Variants in EIF3K observed in about 807,000 individuals in gnomAD.
EIF3K encodes eukaryotic translation initiation factor 3 subunit K.
Under a neutral mutation model 34.2 loss-of-function variants are expected in EIF3K, and 27 were observed. The ratio of observed to expected loss-of-function variants is 0.79; its 90% confidence interval spans 0.58 to 1.09. The LOEUF (loss-of-function observed/expected upper bound fraction) is 1.09. Ranked by LOEUF, EIF3K falls within the 50% of genes least tolerant of loss-of-function variation. The probability of loss-of-function intolerance (pLI) is 0.00; values close to 1 mark genes in which losing one functional copy is unlikely to be tolerated. For missense variants in EIF3K, 232 were observed against 275.4 expected (o/e 0.84, Z 1.11); for synonymous variants, 105 against 105.7 (o/e 0.99, Z 0.04).
chr19:38,632,665 C>G lies in EIF3K; in HGVS notation c.486C>G (p.Leu162=). ...HIDRWLLAEM[L]GDLSDSQLKV... ...ACCGCTGGCTGCTGGCCGAGATGCTCGGGGATCTGTCGGGTAACGCCCTCT... is the reference window on the plus strand; with the variant it reads ...ACCGCTGGCTGCTGGCCGAGATGCTGGGGGATCTGTCGGGTAACGCCCTCT... The change falls in exon 6 of 8, where the codon CTC becomes CTG. Residue 162 remains leucine (L), a synonymous_variant. Transcript: ENST00000248342. 1.2e-6 allele frequency: 2 copies of G among 1,613,226 alleles called. No homozygotes were observed. Among genetic ancestry groups the G allele is most frequent in the Non-Finnish European group, 8.5e-7 (1 of 1,179,600 alleles).
intron 3 of EIF3K, among the ~76,000 whole-genome samples, chr19:38,625,657 G>A (rs968101659): frequency 3.3e-5 from 5 of 150,106 alleles, no homozygotes; most frequent in Non-Finnish European, 7.4e-5. Context: ...CTATAGGCAC[G>A]TGCCACCACA....
intron 7 of EIF3K, among the ~76,000 whole-genome samples, chr19:38,636,407 C>T (rs1055459231): frequency 7.9e-5 from 12 of 152,010 alleles, no homozygotes; most frequent in African/African-American, 2.7e-4. Context: ...CACTTGAACC[C>T]GGAAGGTGGA....
At chr19:38,632,833 T>C (rs1238542443) in intron 6 of EIF3K, 155 bp downstream of exon 6, 1 of 624,220 alleles carries the variant, frequency 1.6e-6, no homozygotes, top group African/African-American at 1.8e-5. Flanking sequence ...TATAAGACAG[T>C]CTCTGCCTTG....
Position 38,634,985 on chromosome 19 carries a change from A to G in EIF3K, c.500-8A>G. ...ACTGAAGCCCCTTGCTGCCCCTGTC[A>G]CCTGCAGACAGCCAGCTAAAGGTGT... On this transcript the variant is annotated splice_region_variant and splice_polypyrimidine_tract_variant and intron_variant, in intron 6 of 7. Coordinates refer to ENST00000248342, the MANE Select transcript of EIF3K (RefSeq NM_013234.4). The G allele has an allele frequency of 6.2e-7, 1 of 1,614,076 alleles. No homozygotes were observed. The highest frequency in any genetic ancestry group is 8.5e-7 in the Non-Finnish European group (1 of 1,180,028).
intron 7 of EIF3K, 164 bp downstream of exon 7, chr19:38,635,282 G>A: frequency 1.0e-6 from 1 of 999,862 alleles, no homozygotes; most frequent in Non-Finnish European, 1.5e-6. Context: ...CTCCCGCCCA[G>A]GAGGAATAGC....
At chr19:38,622,943 T>C (rs1975874518) in intron 2 of EIF3K, among the ~76,000 whole-genome samples, 1 of 152,272 alleles carries the variant, frequency 6.6e-6, no homozygotes, top group Non-Finnish European at 1.5e-5. Context: ...GAACAATTGC[T>C]GTTATCCTGT....
Position 38,621,111 on chromosome 19 carries a change from C to T in EIF3K, c.158+676C>T, listed in dbSNP as rs559431567. ...ACTTGAGAGGCTGAGGTGGAAGGAT[C>T]GCTTAAGCCTGGAAGATTAAGGTGC... On this transcript the variant is annotated intron_variant, in intron 2 of 7. Coordinates refer to ENST00000248342, the MANE Select transcript of EIF3K (RefSeq NM_013234.4). 3.8e-3 allele frequency among the ~76,000 whole-genome samples: 567 copies of T among 150,022 alleles called. 1 individual carries two copies. Among genetic ancestry groups the T allele is most frequent in the Admixed American group, 0.012 (173 of 14,954 alleles).
intron 2 of EIF3K, among the ~76,000 whole-genome samples, chr19:38,621,366 T>C (rs754954958): frequency 6.6e-6 from 1 of 152,024 alleles, no homozygotes; most frequent in Non-Finnish European, 1.5e-5. Flanking sequence ...TGAGCCAAGA[T>C]CATACCACTG....
In EIF3K at chr19:38,625,518, C is replaced by CT. The variant is rs58008087; in HGVS notation, c.280-501dup. The stretch of plus-strand genomic sequence containing the variant: ...AGTAGGGTTTTTTTGTTAATATTTT[C>CT]TTTTTTTTTGAGATGGAGTCTTGCT... On this transcript the variant is annotated intron_variant, in intron 3 of 7. Coordinates refer to ENST00000248342, the MANE Select transcript of EIF3K (RefSeq NM_013234.4). Among the ~76,000 whole-genome samples, 1,305 of 145,828 alleles carry CT rather than the reference C, an allele frequency of 8.9e-3. 47 individuals carry two copies. The highest frequency in any genetic ancestry group is 0.032 in the African/African-American group (1,227 of 37,882).
chr19:38,628,721 G>A (rs1392364719), intron 4 of EIF3K, among the ~76,000 whole-genome samples: 6 of 152,150 alleles, frequency 3.9e-5, no homozygotes, highest in African/African-American at 1.4e-4. Context: ...CTACTCGGGA[G>A]GCTGAGGCAG....
chr19:38,620,222 G>A, intron 1 of EIF3K, 115 bp from the exon 2 acceptor site: 1 of 789,760 alleles, frequency 1.3e-6, no homozygotes, highest in Non-Finnish European at 2.1e-6. Context: ...AGTGGCCAGT[G>A]CCAGATTTAG....
At chr19:38,633,839 G>A (rs1039292994) in intron 6 of EIF3K, among the ~76,000 whole-genome samples, 1 of 151,910 alleles carries the variant, frequency 6.6e-6, no homozygotes, top group Non-Finnish European at 1.5e-5. Context: ...TGGACGTGTT[G>A]GCATGTGCCT....
intron 6 of EIF3K, 150 bp downstream of exon 6, chr19:38,632,828 GAC>G (rs1273092134): frequency 4.6e-6 from 3 of 647,268 alleles, no homozygotes; most frequent in Non-Finnish European, 7.8e-6. Context: ...CTTGGTATAA[GAC>G]AGTCTCTGCC....
intron 4 of EIF3K, among the ~76,000 whole-genome samples, chr19:38,627,451 G>A (rs1023471228): frequency 6.6e-6 from 1 of 151,816 alleles, no homozygotes; most frequent in Non-Finnish European, 1.5e-5. Context: ...GATCACCTGA[G>A]GTCGGGAGTT....
Position 38,624,180 on chromosome 19 carries a change from A to G in EIF3K, c.262A>G (p.Met88Val), listed in dbSNP as rs1462545159. The G allele has an allele frequency of 1.9e-6, 3 of 1,614,168 alleles. No homozygotes were observed. The highest frequency in any genetic ancestry group is 2.5e-6 in the Non-Finnish European group (3 of 1,180,004). The change falls in exon 3 of 8, where the codon ATG becomes GTG. Residue 88 changes from methionine (M) to valine (V), a missense_variant. By Grantham distance (21) the Met-to-Val change is conservative. Transcript: ENST00000248342. ...CACAGACTTCACCCTGTGCAAGTGC[A>G]TGATCGACCAGGCACATGTATCCTT... ...PHTDFTLCKC[M>V]IDQAHQEERP...
At chr19:38,625,177 T>A (rs191679974) in intron 3 of EIF3K, among the ~76,000 whole-genome samples, 4 of 152,128 alleles carry the variant, frequency 2.6e-5, no homozygotes, top group Admixed American at 2.6e-4. Flanking sequence ...ATTTTATTTT[T>A]TTTTTGAGAC....
At chr19:38,622,172 C>A (rs892365168) in intron 2 of EIF3K, among the ~76,000 whole-genome samples, 15 of 150,030 alleles carry the variant, frequency 1.0e-4, no homozygotes, top group African/African-American at 3.4e-4. Flanking sequence ...ATCTCATGAT[C>A]TCAACTCAGT....
Position 38,634,613 on chromosome 19 carries a change from T to G in EIF3K, c.500-380T>G, listed in dbSNP as rs1416386353. Among the ~76,000 whole-genome samples, 17 of 149,360 alleles carry G rather than the reference T, an allele frequency of 1.1e-4. No individual in the cohort carries two copies. In the East Asian group the frequency reaches 2.7e-3, roughly 24 times the overall value. ...AAACTCCGTCTCAAAAAAAAAAAAG[T>G]GTATTGTTTCTGGTAATGGTCATGT... On this transcript the variant is annotated intron_variant, in intron 6 of 7. Coordinates refer to ENST00000248342, the MANE Select transcript of EIF3K (RefSeq NM_013234.4).
At position 38,619,191 on chromosome 19, in the gene EIF3K, T is replaced by C. The variant is rs1314720670; in HGVS notation, c.-78T>C. ...ACGTCGTTTCCGTTTCCACCACCTC[T>C]TCCTGTTCCCGTCCTTGAGGACGCC... On this transcript the variant is annotated 5_prime_UTR_variant, in exon 1 of 8. Transcript: ENST00000248342. 44 of 1,536,750 alleles carry C rather than the reference T, an allele frequency of 2.9e-5. No individual in the cohort carries two copies. Among genetic ancestry groups the C allele is most frequent in the Non-Finnish European group, 3.7e-5 (41 of 1,118,350 alleles).
Sources: allele counts gnomAD v4.1 joint callset (sites outside exome capture counted in the v4.1 genomes callset), GRCh38; gene constraint gnomAD v4.1.1; transcripts MANE v1.5; gene names NCBI Gene and HGNC (gene_info 2026-07-23, HGNC 2026-07-21).